The following UTS2B variants were observed in gnomAD, a reference collection of about 807,000 sequenced individuals.
The protein encoded by UTS2B is urotensin 2B.
UTS2B carries 21 observed loss-of-function variants against 19.2 expected under a neutral mutation model. The observed-to-expected ratio is 1.09, with a 90% CI of 0.78 to 1.58. The LOEUF (loss-of-function observed/expected upper bound fraction) is 1.58. UTS2B is among the 40% of genes most tolerant of loss of function. UTS2B has a pLI of 0.00. For synonymous variants in UTS2B, 57 were observed against 50.2 expected, an observed-to-expected ratio of 1.14 and a Z score of -0.58; for missense variants, 138 against 130.3, an observed-to-expected ratio of 1.06 and a Z score of -0.29.
At chr3:191,323,039 C>T (rs1374882096) in intron 2 of UTS2B, among the ~76,000 whole-genome samples, 1 of 152,144 alleles carries the variant, frequency 6.6e-6, no homozygotes, top group East Asian at 1.9e-4. Context: ...ACTCAACTAT[C>T]CAGAGTCCAA....
intron 1 of UTS2B, among the ~76,000 whole-genome samples, 170 bp downstream of exon 1, chr3:191,330,244 G>T (rs1717923584): frequency 6.6e-6 from 1 of 151,876 alleles, no homozygotes; most frequent in Non-Finnish European, 1.5e-5. Flanking sequence ...GTTTAGTCTT[G>T]GCTGTGTTCT....
At chr3:191,287,963 T>C (rs2603673) in intron 4 of UTS2B, among the ~76,000 whole-genome samples, 83,339 of 151,806 alleles carry the variant, frequency 0.55, 23,452 homozygotes, top group Middle Eastern at 0.64. Context: ...ACAAAATCTA[T>C]GTTCAAAAAT....
At chr3:191,306,880 C>T (rs1024096188) in intron 3 of UTS2B, among the ~76,000 whole-genome samples, 5 of 152,190 alleles carry the variant, frequency 3.3e-5, no homozygotes, top group African/African-American at 1.2e-4. Flanking sequence ...GATCCGCCTG[C>T]CTCAGCCTCC....
intron 2 of UTS2B, among the ~76,000 whole-genome samples, chr3:191,324,855 C>A (rs1358967665): frequency 6.6e-6 from 1 of 152,014 alleles, no homozygotes; most frequent in Non-Finnish European, 1.5e-5. Context: ...TCAAGACCAG[C>A]CTGGCCAACA....
At chr3:191,274,480 C>T (rs1371473932) in intron 8 of UTS2B, among the ~76,000 whole-genome samples, 1 of 152,106 alleles carries the variant, frequency 6.6e-6, no homozygotes, top group Non-Finnish European at 1.5e-5. Context: ...GATAACTCTC[C>T]AAGGTTGCGT....
At chr3:191,329,945 G>A (rs1483330710) in intron 1 of UTS2B, among the ~76,000 whole-genome samples, 2 of 61,916 alleles carry the variant, frequency 3.2e-5, no homozygotes, top group Admixed American at 1.8e-4. Flanking sequence ...GGGTGGTTGG[G>A]GGGGGGGGGG....
At chr3:191,317,228 G>A (rs1411117959) in intron 2 of UTS2B, among the ~76,000 whole-genome samples, 2 of 152,228 alleles carry the variant, frequency 1.3e-5, no homozygotes, top group African/African-American at 4.8e-5. Context: ...ACTCTCCTCA[G>A]CTGCTGGCCC....
chr3:191,323,459 G>C (rs977839622), intron 2 of UTS2B, among the ~76,000 whole-genome samples: 2 of 152,168 alleles, frequency 1.3e-5, no homozygotes, highest in African/African-American at 4.8e-5. Context: ...ATGAGCTATC[G>C]CGCCTGACCT....
intron 4 of UTS2B, among the ~76,000 whole-genome samples, chr3:191,298,667 G>A (rs1402158135): frequency 1.3e-5 from 2 of 152,154 alleles, no homozygotes; most frequent in Admixed American, 6.5e-5. Flanking sequence ...ACCAAGGAGT[G>A]GAGCACTGTT....
rs1716289848 is a variant in UTS2B, at chr3:191,278,167, T to A, written c.107A>T (p.Asn36Ile). 4.0e-6 allele frequency: 6 copies of A among 1,497,296 alleles called. No homozygotes were observed. The South Asian group carries it at 5.1e-5, about 13-fold the overall frequency. The allele number at this position is 1,497,296 out of a possible 1,614,324, so 92.8% of individuals were successfully genotyped here. A position where few individuals can be genotyped will look rare whatever the true frequency, so the allele number is the denominator to read the frequency against. Residue 36 changes from asparagine to isoleucine, a missense_variant, in exon 6 of 9, where the codon AAT (asparagine) becomes ATT (isoleucine). Physicochemically the swap from Asn to Ile is moderately radical, Grantham distance 149. Transcript: ENST00000340524. ...VHGRPYLTQG[N>I]EIFPDKKYTN... ...ATATTTTTTATCTGGAAATATTTCA[T>A]TTCCTATAATGATCAAAAACCACCA... is the stretch of plus-strand genomic sequence containing the variant.
At chr3:191,317,370 G>A (rs1168834165) in intron 2 of UTS2B, among the ~76,000 whole-genome samples, 1 of 152,170 alleles carries the variant, frequency 6.6e-6, no homozygotes, top group South Asian at 2.1e-4. Context: ...CCTGGTTCCC[G>A]TCTGCACCTC....
the UTS2B span, among the ~76,000 whole-genome samples, chr3:191,336,071 CAT>C: frequency 5.3e-5 from 8 of 150,598 alleles, no homozygotes; most frequent in African/African-American, 2.0e-4. Context: ...AATTGAAGAA[CAT>C]ATGAGTTTTC....
intron 2 of UTS2B, among the ~76,000 whole-genome samples, chr3:191,319,524 G>A (rs1303169240): frequency 6.6e-6 from 1 of 151,956 alleles, no homozygotes; most frequent in Non-Finnish European, 1.5e-5. Flanking sequence ...TACACCTTCT[G>A]TCTATTAAGG....
chr3:191,344,771 A>G, the UTS2B span, among the ~76,000 whole-genome samples: 25 of 152,134 alleles, frequency 1.6e-4, no homozygotes, highest in Admixed American at 1.5e-3. Context: ...TGGAGACGAG[A>G]TTTCACTCTG....
At chr3:191,312,101 G>A (rs1220719399) in intron 3 of UTS2B, among the ~76,000 whole-genome samples, 2 of 151,100 alleles carry the variant, frequency 1.3e-5, no homozygotes, top group Non-Finnish European at 2.9e-5. Context: ...GCAGCGAGCC[G>A]AGGTTGCGCC....
chr3:191,276,462 C>A (rs143033812), intron 7 of UTS2B, among the ~76,000 whole-genome samples: 1 of 152,280 alleles, frequency 6.6e-6, no homozygotes, highest in African/African-American at 2.4e-5. Flanking sequence ...TGTTTAAAAA[C>A]AATAACATCC....
intron 5 of UTS2B, among the ~76,000 whole-genome samples, chr3:191,278,721 C>T (rs1449758250): frequency 6.6e-6 from 1 of 151,960 alleles, no homozygotes; most frequent in Non-Finnish European, 1.5e-5. Flanking sequence ...ATTTACCTCA[C>T]AGCCATTCAT....
intron 8 of UTS2B, among the ~76,000 whole-genome samples, chr3:191,272,296 G>A (rs1283897574): frequency 6.6e-6 from 1 of 152,132 alleles, no homozygotes; most frequent in Non-Finnish European, 1.5e-5. Context: ...ACTCATTAAT[G>A]GCAGACAAGG....
At chr3:191,295,558 A>C (rs931235742) in intron 4 of UTS2B, among the ~76,000 whole-genome samples, 44 of 152,008 alleles carry the variant, frequency 2.9e-4, no homozygotes, top group African/African-American at 1.0e-3. Flanking sequence ...TACCTTCTAC[A>C]TGTCAGTGAC....
Sources: gnomAD v4.1 joint callset for allele counts (sites outside exome capture counted in the v4.1 genomes callset) on GRCh38, gnomAD v4.1.1 for gene constraint, MANE v1.5 for transcripts, NCBI Gene and HGNC (gene_info 2026-07-23, HGNC 2026-07-21) for gene names.